The following BCAR1 variants were observed in gnomAD, a reference collection of about 807,000 sequenced individuals.
BCAR1 encodes breast cancer anti-estrogen resistance protein 1.
Under a neutral mutation model 67.6 loss-of-function variants are expected in BCAR1, and 30 were observed. The ratio of observed to expected loss-of-function variants is 0.44; its 90% CI spans 0.33 to 0.60. The LOEUF is 0.60. BCAR1 is among the 20% of genes least tolerant of loss of function. The probability of loss-of-function intolerance (pLI) is 0.02; values close to 1 mark genes in which losing one functional copy is unlikely to be tolerated. For missense variants in BCAR1, 1,313 were observed against 1,222.3 expected (o/e 1.07, Z -1.11); for synonymous variants, 626 against 556.7 (o/e 1.12, Z -1.75).
At chr16:75,261,549 C>T (rs968052971) in intron 1 of BCAR1, among the ~76,000 whole-genome samples, 10 of 152,380 alleles carry the variant, frequency 6.6e-5, no homozygotes, top group Middle Eastern at 3.4e-3. Context: ...CCTGCAATGC[C>T]GCCTCATTCC....
chr16:75,236,489 C>G, intron 4 of BCAR1: 3 of 340,176 alleles, frequency 8.8e-6, no homozygotes, highest in Non-Finnish European at 1.6e-5. Flanking sequence ...AGCAGGTGTG[C>G]GACTGAGCTC....
At chr16:75,255,868 G>A (rs1190075514), upstream of BCAR1, among the ~76,000 whole-genome samples, 1 of 152,156 alleles carries the variant, frequency 6.6e-6, no homozygotes, top group Non-Finnish European at 1.5e-5. Context: ...GCACATGCCT[G>A]TAATCCCAGC....
Position 75,229,815 on chromosome 16 carries a change from G to A in BCAR1, c.2309C>T (p.Ala770Val), listed in dbSNP as rs373869792. The A allele has an allele frequency of 5.0e-6, 8 of 1,613,524 alleles. No individual in the cohort carries two copies. Among genetic ancestry groups the A allele is most frequent in the African/African-American group, 2.7e-5 (2 of 75,058 alleles). ...AAAGATCTTGGGCGGCTGGTTGGTG[G>A]CCACGGCGGTAAAGAAGGCGTCCAC... ...NAVDAFFTAV[A>V]TNQPPKIFVA... The change falls in exon 7 of 7, where the codon GCC becomes GTC. Residue 770 changes from alanine to valine, a missense_variant. Ala to Val is a moderately conservative substitution (Grantham distance 64). This residue lies in a region of BCAR1 where 1,272 missense variants were observed against 1,137.5 expected (regional missense o/e 1.12). Transcript: ENST00000162330.
At chr16:75,243,370 G>A (rs2077416576) in intron 1 of BCAR1, 3 of 628,992 alleles carry the variant, frequency 4.8e-6, no homozygotes, top group Non-Finnish European at 8.8e-6. Context: ...TGACCCTCAA[G>A]ATATCCCTAA....
upstream of BCAR1, chr16:75,251,688 G>A: frequency 1.0e-6 from 1 of 993,522 alleles, no homozygotes; most frequent in Non-Finnish European, 1.2e-6. Context: ...GCCCGGCCGC[G>A]CGCGCCCATT....
intron 2 of BCAR1, 118 bp downstream of exon 2, chr16:75,242,352 A>G (rs1481496741): frequency 7.7e-7 from 1 of 1,303,696 alleles, no homozygotes; most frequent in East Asian, 2.8e-5. Flanking sequence ...ACCCCAGACC[A>G]AACACACAGC....
At position 75,251,176 on chromosome 16, in the gene BCAR1, C is replaced by A. The variant is rs929543932; in HGVS notation, c.12+295G>T. ...CCAAGGTGACACAGCAGGCGGCCGTCGGCCGGGGAGCGCGGGCCCCGCCAG... is the reference window on the plus strand; with the variant it reads ...CCAAGGTGACACAGCAGGCGGCCGTAGGCCGGGGAGCGCGGGCCCCGCCAG... On this transcript the variant is annotated intron_variant, in intron 1 of 6. Coordinates refer to ENST00000162330, the MANE Select transcript of BCAR1 (RefSeq NM_014567.5). 2.0e-5 allele frequency among the ~76,000 whole-genome samples: 3 copies of A among 152,156 alleles called. No individual in the cohort carries two copies. In the East Asian group the frequency reaches 5.9e-4, roughly 30 times the overall value.
intron 1 of BCAR1, among the ~76,000 whole-genome samples, chr16:75,244,751 G>A (rs751350690): frequency 6.6e-6 from 1 of 152,238 alleles, no homozygotes; most frequent in Non-Finnish European, 1.5e-5. Context: ...GCAGGCCCAG[G>A]TGGAGTCATA....
upstream of BCAR1, among the ~76,000 whole-genome samples, chr16:75,255,127 G>A (rs2077747215): frequency 1.3e-5 from 2 of 152,230 alleles, no homozygotes; most frequent in Admixed American, 1.3e-4. Flanking sequence ...CTATTAGATG[G>A]CCTCTTCCAA....
intron 6 of BCAR1, among the ~76,000 whole-genome samples, chr16:75,231,050 A>T: frequency 1.4e-5 from 2 of 143,208 alleles, no homozygotes; most frequent in African/African-American, 5.2e-5. Flanking sequence ...TTTCAATACT[A>T]TTTTTATTTT....
intron 1 of BCAR1, among the ~76,000 whole-genome samples, chr16:75,258,486 T>C (rs1346285865): frequency 1.3e-5 from 2 of 152,162 alleles, no homozygotes; most frequent in Non-Finnish European, 2.9e-5. Context: ...CACTGCTGTG[T>C]AAAAGAACAG....
Position 75,235,685 on chromosome 16 carries a change from A to C in BCAR1, c.1214T>G (p.Val405Gly). The change falls in exon 5 of 7, where the codon GTC (valine) becomes GGC (glycine). Residue 405 changes from valine to glycine, a missense_variant. Coordinates refer to ENST00000162330, the MANE Select transcript of BCAR1 (RefSeq NM_014567.5). ...AGGCACCGCATACACACCACTGTCG[A>C]CCACGCCACCATCAGCCACCTCAGG... ...LPPEVADGGV[V>G]DSGVYAVPPP... is the part of the protein sequence containing the mutation. 1 of 1,611,562 alleles carries C rather than the reference A, an allele frequency of 6.2e-7. No individual in the cohort carries two copies. Among genetic ancestry groups the C allele is most frequent in the Non-Finnish European group, 8.5e-7 (1 of 1,178,890 alleles).
chr16:75,231,904 G>T (rs570316798), intron 6 of BCAR1, among the ~76,000 whole-genome samples: 1 of 152,140 alleles, frequency 6.6e-6, no homozygotes, highest in Non-Finnish European at 1.5e-5. Context: ...TTTTTGAGAC[G>T]GAGTTTCGCT....
At chr16:75,234,001 G>C in intron 5 of BCAR1, 66 bp from the exon 6 acceptor site, 1 of 1,498,096 alleles carries the variant, frequency 6.7e-7, no homozygotes, top group Non-Finnish European at 9.1e-7. Flanking sequence ...GGCCAGCCCT[G>C]TGGCGGGCGC....
chr16:75,257,704 G>A (rs781322576), intron 1 of BCAR1, among the ~76,000 whole-genome samples: 28 of 152,104 alleles, frequency 1.8e-4, no homozygotes, highest in Non-Finnish European at 3.5e-4. Context: ...CGATCCTCCC[G>A]CCTTGACTTC....
intron 1 of BCAR1, chr16:75,263,923 C>T: frequency 1.6e-5 from 17 of 1,082,890 alleles, no homozygotes; most frequent in Non-Finnish European, 1.8e-5. Context: ...ACCTCACACA[C>T]TGCCCAAGGT....
At chr16:75,266,882 A>T in intron 1 of BCAR1, 1 of 985,668 alleles carries the variant, frequency 1.0e-6, no homozygotes, top group African/African-American at 1.7e-5. Flanking sequence ...GGTTTGCCGC[A>T]GCCCGGGCTC....
intron 1 of BCAR1, chr16:75,264,707 C>T (rs2077967857): frequency 1.7e-6 from 2 of 1,199,076 alleles, no homozygotes; most frequent in African/African-American, 3.1e-5. Flanking sequence ...TCTGCACTCA[C>T]TCTGGGATAG....
chr16:75,256,319 C>CCCTGCTTTCGAGGGTGGAGTG (rs149617239), upstream of BCAR1: 59 of 151,884 alleles, frequency 3.9e-4, no homozygotes, highest in African/African-American at 1.4e-3. Context: ...TCCCATCCTC[C>CCCTGCTTTCGAGGGTGGAGTG]ACTGCGGGGC....
Sources: gnomAD v4.1 joint callset for allele counts (sites outside exome capture counted in the v4.1 genomes callset) on GRCh38, gnomAD v4.1.1 for gene constraint, gnomAD v4.1.1 regional missense constraint, MANE v1.5 for transcripts, NCBI Gene and HGNC (gene_info 2026-07-23, HGNC 2026-07-21) for gene names.